FRMD4A: variants seen among roughly 807,000 people sequenced by gnomAD.
FRMD4A encodes FERM domain-containing protein 4A.
A neutral mutation model predicts 129.1 loss-of-function variants in FRMD4A; 29 were observed. The observed-to-expected ratio is 0.22, with a 90% CI of 0.17 to 0.31. FRMD4A has a LOEUF of 0.31. Among genes scored for constraint, FRMD4A ranks in the 10% least tolerant of loss-of-function variants. The probability of loss-of-function intolerance (pLI) is 1.00; values close to 1 mark genes in which losing one functional copy is unlikely to be tolerated. For missense variants in FRMD4A, 1,272 were observed against 1,375.8 expected (o/e 0.92, Z 1.19); for synonymous variants, 634 against 571.6 (o/e 1.11, Z -1.56).
intron 2 of FRMD4A, among the ~76,000 whole-genome samples, chr10:13,978,245 T>A (rs1339176049): frequency 6.6e-6 from 1 of 152,134 alleles, no homozygotes; most frequent in Non-Finnish European, 1.5e-5. Flanking sequence ...TAGGATAGGG[T>A]GGAGGCAGCA....
chr10:13,683,401 A>G (rs2084786633), intron 15 of FRMD4A, among the ~76,000 whole-genome samples: 1 of 151,746 alleles, frequency 6.6e-6, no homozygotes, highest in South Asian at 2.1e-4. Context: ...CCTGGGCAAC[A>G]CAGCGAGACC....
At chr10:13,935,847 C>T (rs2095245125) in intron 2 of FRMD4A, among the ~76,000 whole-genome samples, 1 of 152,202 alleles carries the variant, frequency 6.6e-6, no homozygotes, top group Non-Finnish European at 1.5e-5. Flanking sequence ...ATGCCTTCTG[C>T]AAGTAGAAAA....
intron 2 of FRMD4A, among the ~76,000 whole-genome samples, chr10:14,304,154 T>C (rs1400130297): frequency 6.6e-6 from 1 of 152,198 alleles, no homozygotes; most frequent in Admixed American, 6.5e-5. Flanking sequence ...TACCCAGAAG[T>C]GGAATTGCTG....
chr10:14,098,736 C>A (rs962919425), intron 2 of FRMD4A, among the ~76,000 whole-genome samples: 4 of 152,178 alleles, frequency 2.6e-5, no homozygotes, highest in African/African-American at 7.2e-5. Context: ...ACCCCCCAAT[C>A]TAGTCTCTTA....
chr10:13,666,339 A>G lies in FRMD4A; in HGVS notation c.1375-14T>C, dbSNP rs764827156. The G allele has an allele frequency of 3.0e-5, 47 of 1,593,114 alleles. No homozygotes were observed. Among genetic ancestry groups the G allele is most frequent in the Non-Finnish European group, 4.0e-5 (47 of 1,161,282 alleles). On this transcript the variant is annotated splice_polypyrimidine_tract_variant and intron_variant, in intron 17 of 24. Transcript: ENST00000357447. ...CAGCTCAGCTTCCTGTGGGAGGGAA[A>G]GCACCGGTTTGGGTTACTGGGGATG...
At chr10:13,854,895 G>A (rs1032967178) in intron 3 of FRMD4A, among the ~76,000 whole-genome samples, 4 of 152,166 alleles carry the variant, frequency 2.6e-5, no homozygotes, top group South Asian at 2.1e-4. Flanking sequence ...GAATGCTCAC[G>A]TCACCTTCCA....
intron 8 of FRMD4A, among the ~76,000 whole-genome samples, chr10:13,752,791 T>C (rs1337182443): frequency 6.6e-6 from 1 of 152,160 alleles, no homozygotes; most frequent in East Asian, 1.9e-4. Context: ...AATTCCAAAA[T>C]TCAAAAAGCT....
intron 15 of FRMD4A, among the ~76,000 whole-genome samples, chr10:13,686,364 A>C (rs2134786379): frequency 6.6e-6 from 1 of 152,374 alleles, no homozygotes; most frequent in South Asian, 2.1e-4. Flanking sequence ...CGCCATCATG[A>C]CGCTGACAGA....
At chr10:14,142,320 G>A (rs536120987) in intron 2 of FRMD4A, among the ~76,000 whole-genome samples, 9 of 152,186 alleles carry the variant, frequency 5.9e-5, no homozygotes, top group African/African-American at 9.6e-5. Flanking sequence ...TAAGTAAAGC[G>A]CACTGTTCTG....
intron 2 of FRMD4A, among the ~76,000 whole-genome samples, chr10:13,937,962 C>T (rs2095261737): frequency 6.6e-6 from 1 of 152,156 alleles, no homozygotes; most frequent in South Asian, 2.1e-4. Context: ...AAAAAATTTA[C>T]TTTTCCTTTG....
At chr10:13,796,698 CT>C in intron 4 of FRMD4A, 110 bp from the exon 5 acceptor site, 1 of 640,836 alleles carries the variant, frequency 1.6e-6, no homozygotes, top group Non-Finnish European at 2.8e-6. Context: ...AAATTTGAAC[CT>C]TCACCTTATT....
intron 2 of FRMD4A, among the ~76,000 whole-genome samples, chr10:14,052,569 G>T (rs1224636472): frequency 6.6e-6 from 1 of 151,856 alleles, no homozygotes; most frequent in Non-Finnish European, 1.5e-5. Context: ...TTTTCTTTTT[G>T]TTTTTTGAGA....
intron 2 of FRMD4A, among the ~76,000 whole-genome samples, chr10:14,227,632 CT>C (rs1804727245): frequency 6.6e-6 from 1 of 152,064 alleles, no homozygotes; most frequent in Admixed American, 6.6e-5. Flanking sequence ...GAGGTGTCCT[CT>C]TTTTGTTTTC....
intron 2 of FRMD4A, among the ~76,000 whole-genome samples, chr10:14,300,022 T>C (rs1164825417): frequency 6.6e-6 from 1 of 151,446 alleles, no homozygotes; most frequent in Non-Finnish European, 1.5e-5. Flanking sequence ...GGAACAAATT[T>C]CTCCCCAGAA....
intron 12 of FRMD4A, among the ~76,000 whole-genome samples, chr10:13,730,785 G>A (rs528390376): frequency 1.2e-4 from 18 of 150,106 alleles, no homozygotes; most frequent in African/African-American, 4.2e-4. Flanking sequence ...AGGCTGAGGT[G>A]GGTGGATCTT....
chr10:14,097,158 A>G (rs1287768110), intron 2 of FRMD4A: 2 of 113,380 alleles, frequency 1.8e-5, no homozygotes, highest in Admixed American at 8.8e-5. Context: ...AAAAAAAAAA[A>G]AAAAAAAAAG....
intron 2 of FRMD4A, among the ~76,000 whole-genome samples, chr10:14,264,791 T>TC (rs1844921001): frequency 6.6e-6 from 1 of 152,096 alleles, no homozygotes; most frequent in Non-Finnish European, 1.5e-5. Flanking sequence ...AGAAACACTT[T>TC]TTTTTTTTTA....
intron 9 of FRMD4A, among the ~76,000 whole-genome samples, chr10:13,741,889 C>T (rs1159043374): frequency 6.6e-6 from 1 of 152,174 alleles, no homozygotes; most frequent in African/African-American, 2.4e-5. Context: ...ACGCAGTCTC[C>T]CTTGTCACTC....
chr10:13,795,725 G>T (rs1228229108), intron 5 of FRMD4A, among the ~76,000 whole-genome samples: 1 of 152,068 alleles, frequency 6.6e-6, no homozygotes, highest in African/African-American at 2.4e-5. Flanking sequence ...CCATAGACTG[G>T]GTGTTTCGGA....
Sources: allele counts gnomAD v4.1 joint callset (sites outside exome capture counted in the v4.1 genomes callset), GRCh38; gene constraint gnomAD v4.1.1; transcripts MANE v1.5; gene names NCBI Gene and HGNC (gene_info 2026-07-23, HGNC 2026-07-21).